The following KCNN2 variants were observed in gnomAD, a reference collection of about 807,000 sequenced individuals.
KCNN2 encodes the protein small conductance calcium-activated potassium channel protein 2.
In KCNN2, 24 loss-of-function variants were observed where a neutral mutation model predicts 55.5. The ratio of observed to expected loss-of-function variants is 0.43; its 90% CI spans 0.31 to 0.61. The LOEUF (loss-of-function observed/expected upper bound fraction) is 0.61, where lower values mean the gene tolerates loss of function less well. KCNN2 is among the 20% of genes least tolerant of loss of function. The probability of loss-of-function intolerance (pLI) is 0.08; values close to 1 mark genes in which losing one functional copy is unlikely to be tolerated. For missense variants in KCNN2, 754 were observed against 853.6 expected (o/e 0.88, Z 1.45); for synonymous variants, 431 against 336.1 (o/e 1.28, Z -3.09).
intron 5 of KCNN2, among the ~76,000 whole-genome samples, chr5:114,483,698 GTTC>G (rs1469129717): frequency 6.9e-6 from 1 of 144,082 alleles, no homozygotes; most frequent in Non-Finnish European, 1.5e-5. Flanking sequence ...CAGAGCAAAT[GTTC>G]TTATTTTTCA....
intron 7 of KCNN2, among the ~76,000 whole-genome samples, chr5:114,494,414 G>C (rs757363947): frequency 6.7e-6 from 1 of 150,152 alleles, no homozygotes; most frequent in Non-Finnish European, 1.5e-5. Context: ...GTTGAAGACA[G>C]TAAGTATTTA....
chr5:114,399,409 T>C (rs759387028), intron 2 of KCNN2, among the ~76,000 whole-genome samples: 19 of 152,226 alleles, frequency 1.2e-4, no homozygotes, highest in Non-Finnish European at 2.2e-4. Context: ...TTTAATGATT[T>C]ACATGTGTTG....
At chr5:114,340,858 C>A (rs1757003538) in intron 2 of KCNN2, among the ~76,000 whole-genome samples, 1 of 152,134 alleles carries the variant, frequency 6.6e-6, no homozygotes, top group Non-Finnish European at 1.5e-5. Context: ...TTGCCTCAGC[C>A]CCTGGCAACT....
At chr5:114,480,064 A>C (rs1485748977) in intron 5 of KCNN2, among the ~76,000 whole-genome samples, 1 of 152,126 alleles carries the variant, frequency 6.6e-6, no homozygotes, top group African/African-American at 2.4e-5. Context: ...TCAAAAAAAA[A>C]TCAACAAATC....
chr5:114,361,598 G>A (rs1245514380), upstream of KCNN2, among the ~76,000 whole-genome samples: 1 of 152,106 alleles, frequency 6.6e-6, no homozygotes, highest in Non-Finnish European at 1.5e-5. Context: ...AGCCCTGCGA[G>A]GCGTGCAGTC....
chr5:114,212,556 T>C (rs970839294), intron 1 of KCNN2, among the ~76,000 whole-genome samples: 3 of 152,032 alleles, frequency 2.0e-5, no homozygotes, highest in African/African-American at 7.2e-5. Flanking sequence ...TATAAAAAGT[T>C]TTTAATAAAA....
chr5:114,388,731 A>G (rs954729823), intron 2 of KCNN2, among the ~76,000 whole-genome samples: 5 of 151,598 alleles, frequency 3.3e-5, no homozygotes, highest in African/African-American at 1.2e-4. Context: ...CCTGAGAAAT[A>G]GTTAGTTCTG....
intron 1 of KCNN2, among the ~76,000 whole-genome samples, chr5:114,089,291 A>G (rs1751086479): frequency 1.3e-5 from 2 of 151,976 alleles, no homozygotes. Flanking sequence ...GTAGATCTAG[A>G]ATAGCCATTA....
At chr5:114,183,685 A>G (rs1753278776) in intron 1 of KCNN2, among the ~76,000 whole-genome samples, 1 of 151,416 alleles carries the variant, frequency 6.6e-6, no homozygotes. Flanking sequence ...CTGTATTTAT[A>G]TAAGTCCTTT....
intron 2 of KCNN2, among the ~76,000 whole-genome samples, chr5:114,252,027 C>T (rs1315848181): frequency 2.6e-5 from 4 of 151,256 alleles, no homozygotes; most frequent in Admixed American, 6.6e-5. Context: ...TATAGGCATG[C>T]CCCACCAAGC....
At chr5:114,201,627 T>G (rs1753674833) in intron 1 of KCNN2, among the ~76,000 whole-genome samples, 1 of 152,066 alleles carries the variant, frequency 6.6e-6, no homozygotes, top group South Asian at 2.1e-4. Context: ...TCAAGTTGAA[T>G]TCATCATGAG....
chr5:114,276,658 A>ATTTTTTTTTT (rs141201743), intron 2 of KCNN2, among the ~76,000 whole-genome samples: 1 of 130,446 alleles, frequency 7.7e-6, no homozygotes, highest in African/African-American at 2.9e-5. Flanking sequence ...CAACCCCTGC[A>ATTTTTTTTTT]TTTTTTTTTT....
chr5:114,202,338 C>T (rs1753689240), intron 1 of KCNN2, among the ~76,000 whole-genome samples: 1 of 151,918 alleles, frequency 6.6e-6, no homozygotes, highest in Non-Finnish European at 1.5e-5. Flanking sequence ...TAATCATTTT[C>T]AACATAAGAC....
intron 2 of KCNN2, among the ~76,000 whole-genome samples, chr5:114,306,251 T>C (rs1756267541): frequency 6.6e-6 from 1 of 152,220 alleles, no homozygotes; most frequent in African/African-American, 2.4e-5. Context: ...ACAGTCTATG[T>C]TGATCTCTCC....
chr5:114,078,070 A>G (rs911318088), intron 1 of KCNN2, among the ~76,000 whole-genome samples: 7 of 152,212 alleles, frequency 4.6e-5, no homozygotes, highest in Non-Finnish European at 8.8e-5. Flanking sequence ...TGCAGATCTG[A>G]GGAGACTATC....
chr5:114,221,600 G>T (rs1198579009), intron 2 of KCNN2, among the ~76,000 whole-genome samples: 1 of 152,130 alleles, frequency 6.6e-6, no homozygotes, highest in Non-Finnish European at 1.5e-5. Context: ...TGTACATTTA[G>T]TTCTAATATA....
chr5:114,118,926 G>C lies in KCNN2; in HGVS notation c.-271+62426G>C, dbSNP rs976803255. Reference sequence around the variant, plus strand: ...GGATAGGGGAGGGGATGAGGATATAGACCATGGAGACTGACAGACCTGGGC... The same window carrying C: ...GGATAGGGGAGGGGATGAGGATATACACCATGGAGACTGACAGACCTGGGC... On this transcript the variant is annotated intron_variant, in intron 1 of 10. Transcript: ENST00000512097. Among the ~76,000 whole-genome samples, 5 of 152,112 alleles carry C rather than the reference G, an allele frequency of 3.3e-5. No homozygotes were observed. In the South Asian group the frequency reaches 6.2e-4, roughly 19 times the overall value.
At chr5:114,336,601 A>G (rs943406382) in intron 2 of KCNN2, among the ~76,000 whole-genome samples, 2 of 152,218 alleles carry the variant, frequency 1.3e-5, no homozygotes, top group African/African-American at 4.8e-5. Flanking sequence ...ACACATATGA[A>G]TACAATAATT....
In KCNN2 at chr5:114,445,657, C is replaced by CT. The variant is rs1301240466; in HGVS notation, c.1638-17386dup. ...GATCATCTCTATATGTATTCCATTA[C>CT]TTTTTTCCTGTAGTTTGCTAGTATT... is the stretch of plus-strand genomic sequence containing the variant. On this transcript the variant is annotated intron_variant, in intron 3 of 7. Coordinates refer to ENST00000673685, the MANE Select transcript of KCNN2 (RefSeq NM_021614.4). 5.3e-5 allele frequency among the ~76,000 whole-genome samples: 8 copies of CT among 152,174 alleles called. 1 individual carries two copies. The East Asian group carries it at 7.7e-4, about 15-fold the overall frequency.
Sources: allele counts gnomAD v4.1 joint callset (sites outside exome capture counted in the v4.1 genomes callset), GRCh38; gene constraint gnomAD v4.1.1; transcripts MANE v1.5; gene names NCBI Gene and HGNC (gene_info 2026-07-23, HGNC 2026-07-21).